The following DDX31 variants were observed in gnomAD, a reference collection of about 807,000 sequenced individuals.
DDX31 encodes the protein ATP-dependent DNA helicase DDX31.
Under a neutral mutation model 91.3 loss-of-function variants are expected in DDX31, and 70 were observed. The ratio of observed to expected loss-of-function variants is 0.77; its 90% confidence interval spans 0.63 to 0.94. The LOEUF (loss-of-function observed/expected upper bound fraction) is 0.94. DDX31 is among the 40% of genes least tolerant of loss of function. The pLI is 0.00. For synonymous variants in DDX31, 362 were observed against 350.6 expected (o/e 1.03, Z -0.36); for missense variants, 902 against 925.0 (o/e 0.98, Z 0.32).
Position 132,669,931 on chromosome 9 carries a change from C to T in DDX31, c.4G>A (p.Ala2Thr). The change falls in exon 1 of 20, where the codon GCA (alanine) becomes ACA (threonine). Residue 2 changes from alanine (A) to threonine (T), a missense_variant. By Grantham distance (58) the Ala-to-Thr change is moderately conservative. Transcript: ENST00000372159. ...TCGAAGAGCGAACCGTCGGCGGCTG[C>T]CATGGTCTGCGTGGGTGACGCGTGG... MAAADGSLFDNP... is the reference protein window; with the variant it reads MTAADGSLFDNP... 1.9e-6 allele frequency: 3 copies of T among 1,591,510 alleles called. No individual in the cohort carries two copies. The highest frequency in any genetic ancestry group is 2.3e-5 in the South Asian group (2 of 87,652).
chr9:132,664,701 A>C (rs1416015742), intron 1 of DDX31, among the ~76,000 whole-genome samples: 1 of 135,976 alleles, frequency 7.4e-6, no homozygotes, highest in Non-Finnish European at 1.5e-5. Flanking sequence ...TGGGTGACAG[A>C]GTAAGACCCT....
chr9:132,627,307 C>A (rs141238180), intron 16 of DDX31, among the ~76,000 whole-genome samples: 2 of 152,050 alleles, frequency 1.3e-5, no homozygotes, highest in Non-Finnish European at 2.9e-5. Context: ...GTCCACATGG[C>A]GACGTCGGGG....
At chr9:132,642,253 C>T (rs543990734) in intron 13 of DDX31, among the ~76,000 whole-genome samples, 190 bp from the exon 14 acceptor site, 1 of 152,266 alleles carries the variant, frequency 6.6e-6, no homozygotes, top group East Asian at 1.9e-4. Context: ...CAGGACCGGA[C>T]TTGAGGCTAC....
rs546298678 is a variant in DDX31 at position 132,605,261 on chromosome 9, G to A, written c.1994+6826C>T. Among the ~76,000 whole-genome samples the A allele has an allele frequency of 2.0e-4, 30 of 152,204 alleles. 1 individual carries two copies. In the East Asian group the frequency reaches 2.1e-3, roughly 11 times the overall value. The stretch of plus-strand genomic sequence containing the variant: ...AAAAAATTTACCGAGCACCTACTGC[G>A]TGCCAGGTTCTGTGACAGGTGCTGG... On this transcript the variant is annotated intron_variant, in intron 19 of 19. Transcript: ENST00000372159.
At chr9:132,650,202 A>G (rs926679691) in intron 9 of DDX31, 32 bp downstream of exon 9, 7 of 1,607,296 alleles carry the variant, frequency 4.4e-6, no homozygotes, top group Middle Eastern at 1.7e-4. Context: ...CACATTCAAG[A>G]AGGAAACAAC....
intron 6 of DDX31, among the ~76,000 whole-genome samples, chr9:132,654,570 G>C (rs1238507565): frequency 6.6e-6 from 1 of 152,096 alleles, no homozygotes; most frequent in Non-Finnish European, 1.5e-5. Context: ...CCGAGATCGT[G>C]CCATCGCACT....
At chr9:132,652,168 GT>G (rs201190664) in intron 7 of DDX31, among the ~76,000 whole-genome samples, 5 of 151,164 alleles carry the variant, frequency 3.3e-5, no homozygotes, top group Admixed American at 1.3e-4. Context: ...ATTTCTGTAG[GT>G]TTTTTTTTAG....
At chr9:132,617,641 GAGTA>G (rs1375859864) in intron 18 of DDX31, among the ~76,000 whole-genome samples, 1 of 152,118 alleles carries the variant, frequency 6.6e-6, no homozygotes, top group African/African-American at 2.4e-5. Context: ...CTCCAGCATG[GAGTA>G]AGTCTCATTA....
At chr9:132,644,228 A>G (rs759522953) in intron 13 of DDX31, among the ~76,000 whole-genome samples, 17 of 152,350 alleles carry the variant, frequency 1.1e-4, no homozygotes, top group Middle Eastern at 3.4e-3. Flanking sequence ...AAACTATAAA[A>G]ACACAATTTT....
chr9:132,669,948 G>A lies in DDX31; in HGVS notation c.-14C>T, dbSNP rs771699153. ...GGCGGCTGCCATGGTCTGCGTGGGT[G>A]ACGCGTGGTGCAGCAGCGAGCCCGG... On this transcript the variant is annotated 5_prime_UTR_variant, in exon 1 of 20. Coordinates refer to ENST00000372159, the MANE Select transcript of DDX31 (RefSeq NM_022779.9). 20 of 1,586,624 alleles carry A rather than the reference G, an allele frequency of 1.3e-5. No homozygotes were observed. Among genetic ancestry groups the A allele is most frequent in the Non-Finnish European group, 1.7e-5 (20 of 1,167,422 alleles).
intron 1 of DDX31, chr9:132,669,432 T>C (rs1835563904): frequency 2.2e-6 from 1 of 461,262 alleles, no homozygotes; most frequent in Admixed American, 3.5e-5. Flanking sequence ...TTATGGTTTG[T>C]AGGGCATGAC....
intron 15 of DDX31, 85 bp from the exon 16 acceptor site, chr9:132,630,488 G>C: frequency 2.3e-6 from 3 of 1,331,322 alleles, no homozygotes; most frequent in Non-Finnish European, 3.0e-6. Flanking sequence ...CCTGCCTCCA[G>C]GTATCCCAAG....
At chr9:132,660,205 C>T (rs1468301338) in intron 4 of DDX31, among the ~76,000 whole-genome samples, 4 of 151,842 alleles carry the variant, frequency 2.6e-5, no homozygotes, top group East Asian at 1.9e-4. Flanking sequence ...AGTGATGGCA[C>T]GCACTTGTAA....
chr9:132,616,757 G>A (rs956148886), intron 18 of DDX31, among the ~76,000 whole-genome samples: 5 of 151,878 alleles, frequency 3.3e-5, no homozygotes, highest in African/African-American at 1.2e-4. Context: ...TTCCCTTTAG[G>A]GAAATGCCAA....
chr9:132,609,947 T>C (rs534141862), intron 19 of DDX31, among the ~76,000 whole-genome samples: 2 of 152,284 alleles, frequency 1.3e-5, no homozygotes, highest in Admixed American at 6.5e-5. Flanking sequence ...CAGTAATCAT[T>C]TGGCAGATCT....
intron 1 of DDX31, among the ~76,000 whole-genome samples, chr9:132,668,182 G>T (rs973989472): frequency 1.3e-5 from 2 of 152,130 alleles, no homozygotes; most frequent in Non-Finnish European, 2.9e-5. Context: ...ATCACTTTAT[G>T]ATTTTAATCA....
In DDX31 at chr9:132,625,681, T is replaced by G. The variant is rs777486731; in HGVS notation, c.1696A>C (p.Lys566Gln). ...AAACTCACCTGGGCTCCCCATCGTTTCCCTTTAAAACAATCATCTCTTGTC... is the reference window on the plus strand; with the variant it reads ...AAACTCACCTGGGCTCCCCATCGTTGCCCTTTAAAACAATCATCTCTTGTC... The part of the protein sequence containing the change: ...VLTRDDCFKG[K>Q]RWGAQKSHAV... Residue 566 changes from lysine to glutamine, a missense_variant, in exon 17 of 20, where the codon AAA (lysine) becomes CAA (glutamine). Lys to Gln is a moderately conservative substitution (Grantham distance 53, BLOSUM62 1). Transcript: ENST00000372159. 1.2e-6 allele frequency: 2 copies of G among 1,613,954 alleles called. No individual in the cohort carries two copies. Among genetic ancestry groups the G allele is most frequent in the Non-Finnish European group, 8.5e-7 (1 of 1,179,948 alleles).
intron 18 of DDX31, among the ~76,000 whole-genome samples, chr9:132,613,892 C>A (rs941988899): frequency 6.6e-6 from 1 of 152,176 alleles, no homozygotes; most frequent in Non-Finnish European, 1.5e-5. Flanking sequence ...GCTTCTCACT[C>A]CAACAAGGAA....
At chr9:132,665,158 C>A (rs920010013) in intron 1 of DDX31, among the ~76,000 whole-genome samples, 1 of 152,218 alleles carries the variant, frequency 6.6e-6, no homozygotes, top group Non-Finnish European at 1.5e-5. Flanking sequence ...AGCACTGTAT[C>A]CCCTGTATAG....
Sources: gnomAD v4.1 joint callset for allele counts (sites outside exome capture counted in the v4.1 genomes callset) on GRCh38, gnomAD v4.1.1 for gene constraint, MANE v1.5 for transcripts, NCBI Gene and HGNC (gene_info 2026-07-23, HGNC 2026-07-21) for gene names.